CAST: variants seen among roughly 807,000 people sequenced by gnomAD.
CAST encodes calpastatin.
A neutral mutation model predicts 119.6 loss-of-function variants in CAST; 76 were observed. That is an observed-to-expected ratio of 0.64 (90% confidence interval 0.53 to 0.77). CAST has a LOEUF of 0.77. Ranked by LOEUF, CAST falls within the 30% of genes least tolerant of loss-of-function variation. The probability of loss-of-function intolerance (pLI) is 0.00; values close to 1 mark genes in which losing one functional copy is unlikely to be tolerated. For synonymous variants in CAST, 319 were observed against 331.6 expected, an observed-to-expected ratio of 0.96 and a Z score of 0.41; for missense variants, 953 against 946.5, an observed-to-expected ratio of 1.01 and a Z score of -0.09.
At chr5:96,423,723 G>C in the CAST span, among the ~76,000 whole-genome samples, 1 of 152,092 alleles carries the variant, frequency 6.6e-6, no homozygotes, top group Admixed American at 6.5e-5. Flanking sequence ...GAACTACATG[G>C]CTTTGAAGAA....
At chr5:96,679,136 AGT>A (rs556931076) in intron 2 of CAST, among the ~76,000 whole-genome samples, 166 of 152,152 alleles carry the variant, frequency 1.1e-3, no homozygotes, top group Non-Finnish European at 7.5e-4. Flanking sequence ...CAGGATTATA[AGT>A]GTGAGCCACC....
chr5:96,239,171 G>C, the CAST span, among the ~76,000 whole-genome samples: 5 of 151,772 alleles, frequency 3.3e-5, no homozygotes, highest in Non-Finnish European at 4.4e-5. Flanking sequence ...TTAATGGTAA[G>C]GTTACATTTT....
Position 96,594,813 on chromosome 5 carries a change from A to G in CAST, c.60+64933A>G, listed in dbSNP as rs113794085. Among the ~76,000 whole-genome samples, 432 of 152,260 alleles carry G rather than the reference A, an allele frequency of 2.8e-3. 1 individual carries two copies. Among genetic ancestry groups the G allele is most frequent in the Admixed American group, 4.7e-3 (72 of 15,300 alleles). On this transcript the variant is annotated intron_variant, in intron 1 of 11. Transcript: ENST00000505143. The stretch of plus-strand genomic sequence containing the variant: ...ACTTAGGAGTTGCTTAAAGGTGAGG[A>G]TTGTGGCAAGATTTTTTTTTCTCTT...
the CAST span, chr5:96,425,991 C>T: frequency 2.2e-6 from 2 of 907,302 alleles, no homozygotes; most frequent in Non-Finnish European, 3.6e-6. Flanking sequence ...TATACTTCCT[C>T]TAACTATCTC....
the CAST span, chr5:95,961,873 T>C: frequency 9.9e-6 from 10 of 1,014,744 alleles, no homozygotes; most frequent in Non-Finnish European, 1.2e-5. Context: ...GACCTCGGAC[T>C]GCCACCGCCG....
rs79143067 is a variant in CAST, at chr5:96,552,718, T to C, written c.60+22838T>C. On this transcript the variant is annotated intron_variant, in intron 1 of 11. Transcript: ENST00000505143. The stretch of plus-strand genomic sequence containing the variant: ...ATCAAATAGACTCATTAAAAAATGA[T>C]AAAGTGGGTATCACCACCAATCCCA... 6.0e-3 allele frequency among the ~76,000 whole-genome samples: 916 copies of C among 152,222 alleles called. 6 individuals carry two copies. The highest frequency in any genetic ancestry group is 0.021 in the African/African-American group (867 of 41,528).
chr5:95,986,351 C>A, the CAST span: 1 of 152,152 alleles, frequency 6.6e-6, no homozygotes, highest in African/African-American at 2.4e-5. Context: ...TTCCTGAGGA[C>A]AATCTAAAAC....
the CAST span, among the ~76,000 whole-genome samples, chr5:96,128,272 C>T: frequency 1.3e-5 from 2 of 152,030 alleles, no homozygotes; most frequent in African/African-American, 4.8e-5. Flanking sequence ...ATAATATTTT[C>T]TAAACTTTTC....
At chr5:96,741,397 A>G in intron 14 of CAST, 39 bp downstream of exon 14, 1 of 1,495,182 alleles carries the variant, frequency 6.7e-7, no homozygotes, top group Non-Finnish European at 9.3e-7. Flanking sequence ...CTTGTTAGGA[A>G]CTATTTTGAA....
At chr5:96,187,671 A>G in the CAST span, among the ~76,000 whole-genome samples, 9 of 152,182 alleles carry the variant, frequency 5.9e-5, no homozygotes, top group African/African-American at 2.2e-4. Flanking sequence ...TGAGAGAAGG[A>G]CTGTGACTTG....
the CAST span, among the ~76,000 whole-genome samples, chr5:96,333,097 T>G: frequency 6.6e-6 from 1 of 151,910 alleles, no homozygotes; most frequent in Non-Finnish European, 1.5e-5. Flanking sequence ...CTGATTCCAT[T>G]AATATCCCAT....
intron 1 of CAST, among the ~76,000 whole-genome samples, chr5:96,610,680 AAAAG>A (rs1374444694): frequency 6.6e-6 from 1 of 152,216 alleles, no homozygotes. Context: ...GCAATCAGGC[AAAAG>A]AAAGAAAGAA....
chr5:95,989,325 T>C, the CAST span, among the ~76,000 whole-genome samples: 1 of 152,210 alleles, frequency 6.6e-6, no homozygotes, highest in Non-Finnish European at 1.5e-5. Context: ...TTTTGGGTTT[T>C]TAATTATTTA....
intron 3 of CAST, 118 bp downstream of exon 3, chr5:96,696,025 A>T (rs1367633290): frequency 1.9e-6 from 1 of 525,806 alleles, no homozygotes; most frequent in East Asian, 3.1e-5. Flanking sequence ...TTTTTTAACA[A>T]AGTATCATTT....
the CAST span, among the ~76,000 whole-genome samples, chr5:96,163,888 G>T: frequency 6.6e-6 from 1 of 152,198 alleles, no homozygotes; most frequent in Non-Finnish European, 1.5e-5. Flanking sequence ...TGCCAACTCT[G>T]TGGGTTTGAA....
the CAST span, among the ~76,000 whole-genome samples, chr5:96,353,120 T>TAA: frequency 3.4e-4 from 52 of 150,940 alleles, no homozygotes; most frequent in South Asian, 1.3e-3. Flanking sequence ...TACTGATTGA[T>TAA]AAAAAAAAAC....
At chr5:96,710,966 A>C (rs190426285) in intron 3 of CAST, among the ~76,000 whole-genome samples, 1 of 152,082 alleles carries the variant, frequency 6.6e-6, no homozygotes, top group African/African-American at 2.4e-5. Flanking sequence ...GTTGGTTTCA[A>C]TAATCTTTTA....
At chr5:96,618,603 G>A (rs6892125) in intron 1 of CAST, among the ~76,000 whole-genome samples, 4,210 of 152,336 alleles carry the variant, frequency 0.028, 217 homozygotes, top group African/African-American at 0.096. Context: ...CCTCGCATTC[G>A]GGGCAGCGGG....
At chr5:96,657,816 G>A (rs979745307), upstream of CAST, among the ~76,000 whole-genome samples, 1 of 152,120 alleles carries the variant, frequency 6.6e-6, no homozygotes, top group African/African-American at 2.4e-5. Context: ...AATTTTGTAG[G>A]CCAGGCACGG....
Sources: gnomAD v4.1 joint callset for allele counts (sites outside exome capture counted in the v4.1 genomes callset) on GRCh38, gnomAD v4.1.1 for gene constraint, MANE v1.5 for transcripts, NCBI Gene and HGNC (gene_info 2026-07-23, HGNC 2026-07-21) for gene names.